The following ADCY5 variants were observed in gnomAD, a reference collection of about 807,000 sequenced individuals.
The protein encoded by ADCY5 is adenylate cyclase 5, also known as adenylate cyclase type 5.
Under a neutral mutation model 119.7 loss-of-function variants are expected in ADCY5, and 30 were observed. The observed-to-expected ratio is 0.25, with a 90% CI of 0.19 to 0.34. The LOEUF (loss-of-function observed/expected upper bound fraction) is 0.34, where lower values mean the gene tolerates loss of function less well. Among genes scored for constraint, ADCY5 ranks in the 10% least tolerant of loss-of-function variants. The pLI is 1.00. For missense variants in ADCY5, 1,324 were observed against 1,775.2 expected (o/e 0.75, Z 4.57); for synonymous variants, 753 against 762.2 (o/e 0.99, Z 0.20).
chr3:123,303,373 G>T (rs1576544203), intron 13 of ADCY5, among the ~76,000 whole-genome samples, 154 bp from the exon 14 acceptor site: 1 of 152,158 alleles, frequency 6.6e-6, no homozygotes, highest in East Asian at 1.9e-4. Context: ...CTGAGGAACG[G>T]GCAAAGTCTG....
rs546166943 is a variant in ADCY5, at chr3:123,437,562, A to G, written c.1134+9850T>C. On this transcript the variant is annotated intron_variant, in intron 1 of 20. Coordinates refer to ENST00000462833, the MANE Select transcript of ADCY5 (RefSeq NM_183357.3). The stretch of plus-strand genomic sequence containing the variant: ...AATCGGAATAAAAAATGTCTTCCTC[A>G]TAAGGATGACATGAAGATTAGATGA... Among the ~76,000 whole-genome samples the G allele has an allele frequency of 3.9e-5, 6 of 152,326 alleles. No individual in the cohort carries two copies. In the East Asian group the frequency reaches 1.2e-3, roughly 29 times the overall value.
chr3:123,415,364 A>G (rs1051258683), intron 1 of ADCY5, among the ~76,000 whole-genome samples: 1 of 152,152 alleles, frequency 6.6e-6, no homozygotes, highest in Non-Finnish European at 1.5e-5. Context: ...CGCCAGAGCC[A>G]GAGTGGGCCC....
chr3:123,332,166 C>T (rs1941795244), intron 4 of ADCY5, among the ~76,000 whole-genome samples: 1 of 152,244 alleles, frequency 6.6e-6, no homozygotes, highest in Non-Finnish European at 1.5e-5. Flanking sequence ...CAGACTCATT[C>T]TCTTATCAGT....
At chr3:123,366,640 G>A (rs1170814138) in intron 1 of ADCY5, among the ~76,000 whole-genome samples, 1 of 152,202 alleles carries the variant, frequency 6.6e-6, no homozygotes, top group African/African-American at 2.4e-5. Context: ...ACGAAACTTG[G>A]GGCTTGGGGA....
At chr3:123,412,180 C>T (rs757144904) in intron 1 of ADCY5, among the ~76,000 whole-genome samples, 7 of 152,198 alleles carry the variant, frequency 4.6e-5, no homozygotes, top group African/African-American at 7.2e-5. Context: ...ACAAGGGGCA[C>T]GCTGCGGCAG....
chr3:123,319,744 A>G lies in ADCY5; in HGVS notation c.2186T>C (p.Ile729Thr). The G allele has an allele frequency of 6.2e-7, 1 of 1,614,222 alleles. No homozygotes were observed. Among genetic ancestry groups the G allele is most frequent in the Non-Finnish European group, 8.5e-7 (1 of 1,180,030 alleles). The change falls in exon 10 of 21, where the codon ATT becomes ACT. Residue 729 changes from isoleucine (I) to threonine (T), a missense_variant. Around this residue, in one of 6 missense-constraint regions of ADCY5, gnomAD observed 424 missense variants for 546.8 expected, o/e 0.78. Coordinates refer to ENST00000462833, the MANE Select transcript of ADCY5 (RefSeq NM_183357.3). ...GACGTGCTCAGACCGAAGCCTATCA[A>G]TGCTCCTGGCGTCAATGGCACGGCC... The part of the protein sequence containing the change: ...FLGRAIDARS[I>T]DRLRSEHVRK...
chr3:123,375,841 C>T (rs1242125146), intron 1 of ADCY5, among the ~76,000 whole-genome samples: 1 of 152,174 alleles, frequency 6.6e-6, no homozygotes, highest in Non-Finnish European at 1.5e-5. Context: ...AATGCCTGTT[C>T]ACCTGTCCAT....
intron 1 of ADCY5, among the ~76,000 whole-genome samples, chr3:123,374,776 G>A (rs918805293): frequency 2.6e-5 from 4 of 152,172 alleles, no homozygotes; most frequent in Non-Finnish European, 4.4e-5. Context: ...GGGCTGGGAG[G>A]GAGGGATGAA....
intron 1 of ADCY5, among the ~76,000 whole-genome samples, chr3:123,380,801 C>T (rs1034737570): frequency 1.3e-5 from 2 of 152,208 alleles, no homozygotes; most frequent in African/African-American, 2.4e-5. Flanking sequence ...AACATCATTA[C>T]CGCTGAGAAA....
In ADCY5 at chr3:123,352,413, G is replaced by A; in HGVS notation, c.1284+19C>T. The A allele has an allele frequency of 6.2e-7, 1 of 1,606,650 alleles. No individual in the cohort carries two copies. Among genetic ancestry groups the A allele is most frequent in the Non-Finnish European group, 8.5e-7 (1 of 1,177,826 alleles). ...GGCTCGACTCCGTCCCACTGTGCAA[G>A]GGCAGGGGCCTCACTCACCTGCTGC... On this transcript the variant is annotated intron_variant, in intron 2 of 20. Transcript: ENST00000462833. This position sits in a 1 kb window ranked among gnomAD's most constrained non-coding sequence, Gnocchi z 4.8.
At chr3:123,308,686 G>A (rs941342689) in intron 12 of ADCY5, among the ~76,000 whole-genome samples, 5 of 152,132 alleles carry the variant, frequency 3.3e-5, no homozygotes, top group South Asian at 4.2e-4. Flanking sequence ...AAAATTAGCC[G>A]GGCTTGGTGG....
chr3:123,408,498 A>G (rs1331339998), intron 1 of ADCY5, among the ~76,000 whole-genome samples: 1 of 151,598 alleles, frequency 6.6e-6, no homozygotes, highest in East Asian at 1.9e-4. Context: ...TCTACTAAAA[A>G]TACAAAAATT....
At chr3:123,389,635 G>A (rs1313521717) in intron 1 of ADCY5, among the ~76,000 whole-genome samples, 3 of 151,904 alleles carry the variant, frequency 2.0e-5, no homozygotes, top group South Asian at 2.1e-4. Context: ...CCAGCAGAGC[G>A]GCACATGTGG....
chr3:123,361,544 C>T (rs1943249478), intron 1 of ADCY5, among the ~76,000 whole-genome samples: 1 of 138,158 alleles, frequency 7.2e-6, no homozygotes, highest in Non-Finnish European at 1.6e-5. Context: ...TGTGGATTTG[C>T]CTATTCTGGA....
chr3:123,401,899 G>A (rs983607131), intron 1 of ADCY5, among the ~76,000 whole-genome samples: 2 of 152,182 alleles, frequency 1.3e-5, no homozygotes, highest in Non-Finnish European at 1.5e-5. Flanking sequence ...CACGGTGCCT[G>A]TCCCTGCAGA....
intron 8 of ADCY5, among the ~76,000 whole-genome samples, chr3:123,324,561 C>G (rs1941383511): frequency 6.6e-6 from 1 of 152,146 alleles, no homozygotes; most frequent in Admixed American, 6.5e-5. Flanking sequence ...GCCTGAGGGG[C>G]AGAAGCCAAC....
chr3:123,446,221 G>A (rs990465009), intron 1 of ADCY5, among the ~76,000 whole-genome samples: 1 of 152,144 alleles, frequency 6.6e-6, no homozygotes, highest in Non-Finnish European at 1.5e-5. Context: ...GGAAGCCAGG[G>A]GACACAGGAG....
At chr3:123,347,155 C>T (rs1942603087) in intron 3 of ADCY5, among the ~76,000 whole-genome samples, 1 of 152,026 alleles carries the variant, frequency 6.6e-6, no homozygotes, top group Admixed American at 6.5e-5. Context: ...AAAGAGTACA[C>T]AATGTAGACT....
chr3:123,352,325 G>A lies in ADCY5; in HGVS notation c.1284+107C>T. ...GGGTTGGTCCCCTCCCGGGGAGTGGGGCTGGCAGCCGTAATAAGCACTGCC... is the reference window on the plus strand; with the variant it reads ...GGGTTGGTCCCCTCCCGGGGAGTGGAGCTGGCAGCCGTAATAAGCACTGCC... On this transcript the variant is annotated intron_variant, in intron 2 of 20. Coordinates refer to ENST00000462833, the MANE Select transcript of ADCY5 (RefSeq NM_183357.3). This position sits in a 1 kb window ranked among gnomAD's most constrained non-coding sequence, Gnocchi z 4.8. 6 of 1,378,740 alleles carry A rather than the reference G, an allele frequency of 4.4e-6. No homozygotes were observed. The highest frequency in any genetic ancestry group is 4.9e-5 in the Admixed American group (2 of 40,734). The allele number at this position is 1,378,740 out of a possible 1,614,324, so 85.4% of individuals were successfully genotyped here.
Sources: gnomAD v4.1 joint callset for allele counts (sites outside exome capture counted in the v4.1 genomes callset) on GRCh38, gnomAD v4.1.1 for gene constraint, gnomAD v4.1.1 regional missense constraint, Gnocchi (gnomAD v3.1) non-coding constraint, MANE v1.5 for transcripts, NCBI Gene and HGNC (gene_info 2026-07-23, HGNC 2026-07-21) for gene names.